CCDC177: variants seen among roughly 807,000 people sequenced by gnomAD.
CCDC177 encodes coiled-coil domain-containing protein 177.
In CCDC177, 2 loss-of-function variants were observed where a neutral mutation model predicts 7.3. The ratio of observed to expected loss-of-function variants is 0.28; its 90% CI spans 0.11 to 0.87. CCDC177 has a LOEUF of 0.87. CCDC177 is among the 40% of genes least tolerant of loss of function. The probability of loss-of-function intolerance (pLI) is 0.61; values close to 1 mark genes in which losing one functional copy is unlikely to be tolerated. For synonymous variants in CCDC177, 401 were observed against 449.2 expected (o/e 0.89, Z 1.36); for missense variants, 874 against 970.5 (o/e 0.90, Z 1.32).
At position 69,571,586 on chromosome 14, in the gene CCDC177, A is replaced by G; in HGVS notation, c.2037T>C (p.Arg679=). Residue 679 remains arginine (R), a synonymous_variant, in exon 2 of 2, where the codon CGT becomes CGC. Coordinates refer to ENST00000599174, the MANE Select transcript of CCDC177 (RefSeq NM_001271507.2). ...RSTARASFHV[R]EKVREETNTR... ...TGTTGGTCTCCTCGCGCACCTTCTC[A>G]CGCACGTGGAAGGAAGCCCGGGCTG... 1.6e-6 allele frequency: 2 copies of G among 1,235,322 alleles called. No homozygotes were observed. The highest frequency in any genetic ancestry group is 2.0e-6 in the Non-Finnish European group (2 of 990,068). 76.5% of individuals were successfully genotyped at this position (1,235,322 alleles called of 1,614,324 possible).
Position 69,571,942 on chromosome 14 carries a change from G to C in CCDC177, c.1681C>G (p.Arg561Gly). Residue 561 changes from arginine to glycine, a missense_variant, in exon 2 of 2, where the codon CGG (arginine) becomes GGG (glycine). Arg to Gly is a moderately radical substitution (Grantham distance 125, BLOSUM62 -2). Coordinates refer to ENST00000599174, the MANE Select transcript of CCDC177 (RefSeq NM_001271507.2). ...QRTRELRERA[R>G]REELQGRRAK... ...CGCCGACCCTGCAGCTCCTCTCGCC[G>C]GGCCCGCTCCCGCAGCTCCCGGGTG... 7.3e-6 allele frequency: 9 copies of C among 1,232,220 alleles called. No individual in the cohort carries two copies. Among genetic ancestry groups the C allele is most frequent in the Non-Finnish European group, 8.1e-6 (8 of 988,468 alleles). 76.3% of individuals were successfully genotyped at this position (1,232,220 alleles called of 1,614,324 possible).
rs1884333093 is a variant in CCDC177, at chr14:69,571,950, TCCCGCAGC to T, written c.1665_1672del (p.Leu556AlafsTer122). 1 of 1,232,014 alleles carries T rather than the reference TCCCGCAGC, an allele frequency of 8.1e-7. No individual in the cohort carries two copies. 76.3% of individuals were successfully genotyped at this position (1,232,014 alleles called of 1,614,324 possible). A position where few individuals can be genotyped will look rare whatever the true frequency, so the allele number is the denominator to read the frequency against. ...CTGCAGCTCCTCTCGCCGGGCCCGC[TCCCGCAGC>T]TCCCGGGTGCGCTGCTCCACCAAAT... On this transcript the variant is annotated frameshift_variant, in exon 2 of 2. Coordinates refer to ENST00000599174, the MANE Select transcript of CCDC177 (RefSeq NM_001271507.2). LOFTEE classifies it low-confidence loss of function (END_TRUNC).
chr14:69,573,027 G>A lies in CCDC177; in HGVS notation c.596C>T (p.Ser199Leu), dbSNP rs1480552406. The change falls in exon 2 of 2, where the codon TCG becomes TTG. Residue 199 changes from serine to leucine, a missense_variant. Transcript: ENST00000599174. ...CTTGCGGGCCGCACGCGGCGCGGGC[G>A]AGGCCGGGAGGCTGGCGCTGCTGCA... ...SSCSSASLPASPAPRAARKAS... is the reference protein window; with the variant it reads ...SSCSSASLPALPAPRAARKAS... 1 of 1,229,416 alleles carries A rather than the reference G, an allele frequency of 8.1e-7. No individual in the cohort carries two copies. The highest frequency in any genetic ancestry group is 1.0e-6 in the Non-Finnish European group (1 of 986,876). The allele number at this position is 1,229,416 out of a possible 1,614,324, so 76.2% of individuals were successfully genotyped here. A position where few individuals can be genotyped will look rare whatever the true frequency, so the allele number is the denominator to read the frequency against.
chr14:69,572,161 G>T lies in CCDC177; in HGVS notation c.1462C>A (p.Arg488Ser). ...IRRERAQRAA[R>S]AKQRQEGQLQ... ...TGGCCCTCCTGCCGCTGCTTGGCGCGGGCCGCGCGCTGGGCGCGCTCCCTG... is the reference window on the plus strand; with the variant it reads ...TGGCCCTCCTGCCGCTGCTTGGCGCTGGCCGCGCGCTGGGCGCGCTCCCTG... The change falls in exon 2 of 2, where the codon CGC becomes AGC. Residue 488 changes from arginine to serine, a missense_variant. Arg to Ser is a moderately radical substitution (Grantham distance 110). Coordinates refer to ENST00000599174, the MANE Select transcript of CCDC177 (RefSeq NM_001271507.2). 8.1e-7 allele frequency: 1 copy of T among 1,229,656 alleles called. No individual in the cohort carries two copies. The highest frequency in any genetic ancestry group is 1.0e-6 in the Non-Finnish European group (1 of 986,754). The allele number at this position is 1,229,656 out of a possible 1,614,324, so 76.2% of individuals were successfully genotyped here.
At position 69,572,260 on chromosome 14, in the gene CCDC177, G is replaced by A; in HGVS notation, c.1363C>T (p.Leu455Phe). 4.1e-6 allele frequency: 5 copies of A among 1,229,046 alleles called. No individual in the cohort carries two copies. The highest frequency in any genetic ancestry group is 5.1e-6 in the Non-Finnish European group (5 of 986,384). The allele number at this position is 1,229,046 out of a possible 1,614,324, so 76.1% of individuals were successfully genotyped here. A position where few individuals can be genotyped will look rare whatever the true frequency, so the allele number is the denominator to read the frequency against. The change falls in exon 2 of 2, where the codon CTT (leucine) becomes TTT (phenylalanine). Residue 455 changes from leucine (L) to phenylalanine (F), a missense_variant. Leu to Phe is a conservative substitution (Grantham distance 22). Transcript: ENST00000599174. ...TGCTTCAGGTTCTGCTCCTGCTGAA[G>A]CTTGCGCAGCCGATCCTCCCGGGCC... is the stretch of plus-strand genomic sequence containing the variant. ...RAAREDRLRKLQQEQNLKQRE... is the reference protein window; with the variant it reads ...RAAREDRLRKFQQEQNLKQRE...
chr14:69,572,059 G>T lies in CCDC177; in HGVS notation c.1564C>A (p.Gln522Lys). The change falls in exon 2 of 2, where the codon CAG (glutamine) becomes AAG (lysine). Residue 522 changes from glutamine (Q) to lysine (K), a missense_variant. By Grantham distance (53) the Gln-to-Lys change is moderately conservative (BLOSUM62 1). Coordinates refer to ENST00000599174, the MANE Select transcript of CCDC177 (RefSeq NM_001271507.2). ...AGGCCCTCTCGCTCCTGGCGCTGCT[G>T]CCGGGTCCGACCCTGTAGCAGCGCC... ...HEALLQGRTR[Q>K]QRQEREGLRS... 2 of 1,230,816 alleles carry T rather than the reference G, an allele frequency of 1.6e-6. No individual in the cohort carries two copies. The highest frequency in any genetic ancestry group is 2.0e-6 in the Non-Finnish European group (2 of 987,400). 76.2% of individuals were successfully genotyped at this position (1,230,816 alleles called of 1,614,324 possible).
chr14:69,572,149 G>T lies in CCDC177; in HGVS notation c.1474C>A (p.Arg492=). ...TCCCGCTGCAGCTGGCCCTCCTGCC[G>T]CTGCTTGGCGCGGGCCGCGCGCTGG... is the stretch of plus-strand genomic sequence containing the variant. ...RAQRAARAKQ[R]QEGQLQREKR... is the part of the protein sequence containing the mutation. The change falls in exon 2 of 2, where the codon CGG becomes AGG. Residue 492 remains arginine (R), a synonymous_variant. Transcript: ENST00000599174. The T allele has an allele frequency of 8.1e-7, 1 of 1,230,766 alleles. No homozygotes were observed. Among genetic ancestry groups the T allele is most frequent in the Non-Finnish European group, 1.0e-6 (1 of 987,420 alleles). The allele number at this position is 1,230,766 out of a possible 1,614,324, so 76.2% of individuals were successfully genotyped here.
At position 69,572,425 on chromosome 14, in the gene CCDC177, C is replaced by T; in HGVS notation, c.1198G>A (p.Glu400Lys). ...CGGCCACGGCGGCCTCGCCGCTCCT[C>T]CACCTGCGCGGCCCAGGCTCGGCGG... ...QGRRAWAAQV[E>K]ERRGRRGREE... Residue 400 changes from glutamate (E) to lysine (K), a missense_variant, in exon 2 of 2, where the codon GAG becomes AAG. Coordinates refer to ENST00000599174, the MANE Select transcript of CCDC177 (RefSeq NM_001271507.2). 2.4e-6 allele frequency: 3 copies of T among 1,227,706 alleles called. No homozygotes were observed. Among genetic ancestry groups the T allele is most frequent in the Non-Finnish European group, 2.0e-6 (2 of 985,506 alleles). The allele number at this position is 1,227,706 out of a possible 1,614,324, so 76.1% of individuals were successfully genotyped here. A position where few individuals can be genotyped will look rare whatever the true frequency, so the allele number is the denominator to read the frequency against.
At chr14:69,573,856 G>A (rs1280451148) in intron 1 of CCDC177, among the ~76,000 whole-genome samples, 1 of 152,216 alleles carries the variant, frequency 6.6e-6, no homozygotes, top group Non-Finnish European at 1.5e-5. Context: ...TGTTCAGAGA[G>A]CAGCCTGGGT....
Position 69,573,186 on chromosome 14 carries a change from T to A in CCDC177, c.437A>T (p.Gln146Leu). The A allele has an allele frequency of 8.1e-7, 1 of 1,230,832 alleles. No individual in the cohort carries two copies. The highest frequency in any genetic ancestry group is 1.0e-6 in the Non-Finnish European group (1 of 987,338). The allele number at this position is 1,230,832 out of a possible 1,614,324, so 76.2% of individuals were successfully genotyped here. ...GCGCTCGCGCTCGGCCCGGCATTGC[T>A]GCAGCTTGGCGCGCCGCTCCGCCTC... is the stretch of plus-strand genomic sequence containing the variant. Reference protein sequence around the residue: ...AYEAERRAKLQQCRAERERIM... With the variant: ...AYEAERRAKLLQCRAERERIM... The change falls in exon 2 of 2, where the codon CAG becomes CTG. Residue 146 changes from glutamine to leucine, a missense_variant. Transcript: ENST00000599174.
Position 69,572,469 on chromosome 14 carries a change from T to A in CCDC177, c.1154A>T (p.Gln385Leu). 1.6e-6 allele frequency: 2 copies of A among 1,229,816 alleles called. No individual in the cohort carries two copies. The highest frequency in any genetic ancestry group is 8.2e-5 in the South Asian group (2 of 24,286). 76.2% of individuals were successfully genotyped at this position (1,229,816 alleles called of 1,614,324 possible). ...QRREREEREK[Q>L]RALEQGRRAW... ...TCGGCGGCCCTGCTCTAGGGCGCGC[T>A]GCTTCTCCCGCTCCTCGCGCTCCCG... The change falls in exon 2 of 2, where the codon CAG becomes CTG. Residue 385 changes from glutamine (Q) to leucine (L), a missense_variant. Physicochemically the swap from Gln to Leu is moderately radical, Grantham distance 113. Coordinates refer to ENST00000599174, the MANE Select transcript of CCDC177 (RefSeq NM_001271507.2).
At position 69,570,642 on chromosome 14, in the gene CCDC177, G is replaced by C. The variant is rs1311731714; in HGVS notation, c.*857C>G. ...CACGTAAGGTAGCTCTGCTTCTTAAGGCATGACTGCTGTCTTCATGGAGTG... is the reference window on the plus strand; with the variant it reads ...CACGTAAGGTAGCTCTGCTTCTTAACGCATGACTGCTGTCTTCATGGAGTG... On this transcript the variant is annotated 3_prime_UTR_variant, in exon 2 of 2. Coordinates refer to ENST00000599174, the MANE Select transcript of CCDC177 (RefSeq NM_001271507.2). 6.3e-5 allele frequency: 23 copies of C among 366,192 alleles called. No homozygotes were observed. Among genetic ancestry groups the C allele is most frequent in the Non-Finnish European group, 5.9e-5 (11 of 187,828 alleles). The allele number at this position is 366,192 out of a possible 1,614,324, so 22.7% of individuals were successfully genotyped here.
chr14:69,572,211 C>A lies in CCDC177; in HGVS notation c.1412G>T (p.Gly471Val), dbSNP rs916919438. The A allele has an allele frequency of 1.8e-5, 22 of 1,229,752 alleles. No individual in the cohort carries two copies. The highest frequency in any genetic ancestry group is 2.1e-5 in the Non-Finnish European group (21 of 986,744). 76.2% of individuals were successfully genotyped at this position (1,229,752 alleles called of 1,614,324 possible). A position where few individuals can be genotyped will look rare whatever the true frequency, so the allele number is the denominator to read the frequency against. ...LKQREEGLQE[G>V]RERAEQIRRE... ...GCGGATCTGCTCAGCCCGCTCCCGCCCTTCCTGTAGACCTTCCTCACGTTG... is the reference window on the plus strand; with the variant it reads ...GCGGATCTGCTCAGCCCGCTCCCGCACTTCCTGTAGACCTTCCTCACGTTG... The change falls in exon 2 of 2, where the codon GGG (glycine) becomes GTG (valine). Residue 471 changes from glycine to valine, a missense_variant. Physicochemically the swap from Gly to Val is moderately radical, Grantham distance 109. Transcript: ENST00000599174.
chr14:69,573,690 G>A lies in CCDC177; in HGVS notation c.-28-40C>T, dbSNP rs183327144. On this transcript the variant is annotated intron_variant, in intron 1 of 1. Transcript: ENST00000599174. ...GAGGGACATCGAGGAATACGTCTGA[G>A]AGCTCTTCCCCCCTCCTCATCCATA... 83 of 1,230,906 alleles carry A rather than the reference G, an allele frequency of 6.7e-5. No individual in the cohort carries two copies. In the African/African-American group the frequency reaches 1.1e-3, roughly 17 times the overall value. The allele number at this position is 1,230,906 out of a possible 1,614,324, so 76.2% of individuals were successfully genotyped here.
rs1032180394 is a variant in CCDC177, at chr14:69,573,488, C to A, written c.135G>T (p.Ser45=). 1 of 1,230,954 alleles carries A rather than the reference C, an allele frequency of 8.1e-7. No homozygotes were observed. The allele number at this position is 1,230,954 out of a possible 1,614,324, so 76.3% of individuals were successfully genotyped here. Residue 45 remains serine, a synonymous_variant, in exon 2 of 2, where the codon TCG becomes TCT. Coordinates refer to ENST00000599174, the MANE Select transcript of CCDC177 (RefSeq NM_001271507.2). ...QEPAASSASA[S]ASAAVPRKAE... is the part of the protein sequence containing the mutation. ...CCTTGCGGGGCACCGCCGCGGAGGC[C>A]GAGGCCGAGGCCGAGGAAGCTGCGG... is the stretch of plus-strand genomic sequence containing the variant.
chr14:69,572,983 A>G lies in CCDC177; in HGVS notation c.640T>C (p.Ser214Pro). The G allele has an allele frequency of 8.1e-7, 1 of 1,230,236 alleles. No homozygotes were observed. The allele number at this position is 1,230,236 out of a possible 1,614,324, so 76.2% of individuals were successfully genotyped here. A position where few individuals can be genotyped will look rare whatever the true frequency, so the allele number is the denominator to read the frequency against. Reference protein sequence around the residue: ...AARKASPSPSSARTQPPPAGS... With the variant: ...AARKASPSPSPARTQPPPAGS... Reference sequence around the variant, plus strand: ...GCTGGCGGAGGTTGGGTCCGGGCGGAGGAGGGACTAGGGGAAGCCTTGCGG... The same window carrying G: ...GCTGGCGGAGGTTGGGTCCGGGCGGGGGAGGGACTAGGGGAAGCCTTGCGG... Residue 214 changes from serine (S) to proline (P), a missense_variant, in exon 2 of 2, where the codon TCC becomes CCC. Physicochemically the swap from Ser to Pro is moderately conservative, Grantham distance 74. Coordinates refer to ENST00000599174, the MANE Select transcript of CCDC177 (RefSeq NM_001271507.2).
chr14:69,573,940 C>G (rs769140632), intron 1 of CCDC177, among the ~76,000 whole-genome samples: 45 of 152,300 alleles, frequency 3.0e-4, no homozygotes, highest in Middle Eastern at 3.4e-3. Context: ...CTAGATGCAT[C>G]CCCTTTCTGC....
chr14:69,571,163 C>G lies in CCDC177; in HGVS notation c.*336G>C. On this transcript the variant is annotated 3_prime_UTR_variant, in exon 2 of 2. Coordinates refer to ENST00000599174, the MANE Select transcript of CCDC177 (RefSeq NM_001271507.2). ...GTGGGGACAACCACCTCTGCCCTCT[C>G]CTGGGGGGCCCTCTCACCAGTCCTG... The G allele has an allele frequency of 2.0e-6, 1 of 507,812 alleles. No individual in the cohort carries two copies. Among genetic ancestry groups the G allele is most frequent in the Non-Finnish European group, 3.6e-6 (1 of 274,038 alleles). The allele number at this position is 507,812 out of a possible 1,614,324, so 31.5% of individuals were successfully genotyped here.
In CCDC177 at chr14:69,572,733, G is replaced by C; in HGVS notation, c.890C>G (p.Pro297Arg). The C allele has an allele frequency of 2.4e-6, 3 of 1,231,510 alleles. No individual in the cohort carries two copies. Among genetic ancestry groups the C allele is most frequent in the South Asian group, 4.1e-5 (1 of 24,324 alleles). 76.3% of individuals were successfully genotyped at this position (1,231,510 alleles called of 1,614,324 possible). The change falls in exon 2 of 2, where the codon CCG becomes CGG. Residue 297 changes from proline (P) to arginine (R), a missense_variant. By Grantham distance (103) the Pro-to-Arg change is moderately radical. Transcript: ENST00000599174. The part of the protein sequence containing the change: ...PGRPSALTLV[P>R]ITGRSFSLGD... ...GAGGCTGAAGCTGCGGCCGGTGATC[G>C]GAACCAGGGTCAGGGCAGACGGGCG...
Sources: gnomAD v4.1 joint callset for allele counts (sites outside exome capture counted in the v4.1 genomes callset) on GRCh38, gnomAD v4.1.1 for gene constraint, MANE v1.5 for transcripts, NCBI Gene and HGNC (gene_info 2026-07-23, HGNC 2026-07-21) for gene names.